SH2D3A: variants seen among roughly 807,000 people sequenced by gnomAD.
The protein encoded by SH2D3A is SH2 domain-containing protein 3A.
In SH2D3A, 46 loss-of-function variants were observed where a neutral mutation model predicts 50.6. The observed-to-expected ratio is 0.91, with a 90% confidence interval of 0.72 to 1.16. The LOEUF is 1.16. SH2D3A is among the 50% of genes most tolerant of loss of function. The pLI is 0.00. For synonymous variants in SH2D3A, 377 were observed against 348.4 expected (o/e 1.08, Z -0.91); for missense variants, 783 against 786.2 (o/e 1.00, Z 0.05).
In SH2D3A at chr19:6,760,757, G is replaced by A; in HGVS notation, c.300C>T (p.Arg100=). The change falls in exon 3 of 10, where the codon CGC becomes CGT. Residue 100 remains arginine (R), a synonymous_variant. Coordinates refer to ENST00000245908, the MANE Select transcript of SH2D3A (RefSeq NM_005490.3). ...CAGCCCCTGTGGCCTGGGACAGTGG[G>A]CGCCTGCCTGTCATATAACTGTGAA... The part of the protein sequence containing the change: ...ALVHSYMTGR[R]PLSQATGAVV... 6.2e-7 allele frequency: 1 copy of A among 1,614,226 alleles called. No homozygotes were observed. Among genetic ancestry groups the A allele is most frequent in the Middle Eastern group, 1.6e-4 (1 of 6,062 alleles).
Position 6,763,706 on chromosome 19 carries a change from A to G in SH2D3A, c.43T>C (p.Trp15Arg), listed in dbSNP as rs574092965. The G allele has an allele frequency of 2.5e-6, 4 of 1,612,638 alleles. No individual in the cohort carries two copies. The highest frequency in any genetic ancestry group is 2.7e-5 in the African/African-American group (2 of 74,956). Residue 15 changes from tryptophan to arginine, a missense_variant, in exon 2 of 10, where the codon TGG (tryptophan) becomes CGG (arginine). Trp to Arg is a moderately radical substitution (Grantham distance 101). Coordinates refer to ENST00000245908, the MANE Select transcript of SH2D3A (RefSeq NM_005490.3). Reference sequence around the variant, plus strand: ...TGGCGGGACAGGAGGCCGTGGTACCAAGGTTGGCCAGCAAGGTCTTCTCCA... The same window carrying G: ...TGGCGGGACAGGAGGCCGTGGTACCGAGGTTGGCCAGCAAGGTCTTCTCCA... ...QDGEDLAGQP[W>R]YHGLLSRQKA...
At position 6,754,133 on chromosome 19, in the gene SH2D3A, G is replaced by A. The variant is rs377387376; in HGVS notation, c.1303C>T (p.Leu435Phe). The change falls in exon 8 of 10, where the codon CTC becomes TTC. Residue 435 changes from leucine (L) to phenylalanine (F), a missense_variant. Coordinates refer to ENST00000245908, the MANE Select transcript of SH2D3A (RefSeq NM_005490.3). ...VSRLEHTWRQ[L>F]RRSHTEAALA... is the part of the protein sequence containing the mutation. ...GCAGCCTCCGTGTGGCTCCTTCGGA[G>A]CTGGCGCCACGTGTGCTCCAACCGG... 2 of 1,613,338 alleles carry A rather than the reference G, an allele frequency of 1.2e-6. No individual in the cohort carries two copies. The highest frequency in any genetic ancestry group is 2.7e-5 in the African/African-American group (2 of 74,924).
At chr19:6,763,607 G>T in intron 2 of SH2D3A, 73 bp downstream of exon 2, 1 of 1,437,506 alleles carries the variant, frequency 7.0e-7, no homozygotes, top group South Asian at 1.2e-5. Flanking sequence ...CTCATCCAGG[G>T]ACCCAGGAAT....
In SH2D3A at chr19:6,754,748, G is replaced by C. The variant is rs780430870; in HGVS notation, c.982-17C>G. Reference sequence around the variant, plus strand: ...GCCTGTGGCCTGCAGAAGGGAATGGGGAAGTCAGGTGAAGCGTGATTATGT... The same window carrying C: ...GCCTGTGGCCTGCAGAAGGGAATGGCGAAGTCAGGTGAAGCGTGATTATGT... On this transcript the variant is annotated splice_polypyrimidine_tract_variant and intron_variant, in intron 5 of 9. Coordinates refer to ENST00000245908, the MANE Select transcript of SH2D3A (RefSeq NM_005490.3). 1.9e-6 allele frequency: 3 copies of C among 1,613,762 alleles called. No individual in the cohort carries two copies. In the South Asian group the frequency reaches 3.3e-5, roughly 18 times the overall value.
intron 9 of SH2D3A, chr19:6,753,242 T>C: frequency 1.0e-6 from 1 of 985,032 alleles, no homozygotes; most frequent in Non-Finnish European, 1.2e-6. Context: ...GGACAGCCCG[T>C]TTTGAGGTGG....
At position 6,755,141 on chromosome 19, in the gene SH2D3A, G is replaced by T; in HGVS notation, c.671C>A (p.Ala224Asp). The change falls in exon 5 of 10, where the codon GCC (alanine) becomes GAC (aspartate). Residue 224 changes from alanine (A) to aspartate (D), a missense_variant. Coordinates refer to ENST00000245908, the MANE Select transcript of SH2D3A (RefSeq NM_005490.3). ...PRTPSFELPD[A>D]SERPPTYCEL... ...GCAGTACGTCGGGGGACGTTCAGAGGCATCAGGCAGTTCGAAGGAGGGTGT... is the reference window on the plus strand; with the variant it reads ...GCAGTACGTCGGGGGACGTTCAGAGTCATCAGGCAGTTCGAAGGAGGGTGT... 1.2e-6 allele frequency: 2 copies of T among 1,612,346 alleles called. No individual in the cohort carries two copies. The highest frequency in any genetic ancestry group is 1.7e-6 in the Non-Finnish European group (2 of 1,178,714).
At chr19:6,753,413 G>A (rs1969441484) in intron 9 of SH2D3A, 43 bp downstream of exon 9, 1 of 1,429,900 alleles carries the variant, frequency 7.0e-7, no homozygotes, top group Non-Finnish European at 9.2e-7. Flanking sequence ...AGAACCTGCA[G>A]GGTGCTCTGA....
At position 6,754,902 on chromosome 19, in the gene SH2D3A, T is replaced by C. The variant is rs1969563123; in HGVS notation, c.910A>G (p.Thr304Ala). ...TGCTCCAGGAACAGGCCACGGAGGGTATGCAGGACTTGGGGTTCCAGGGGC... is the reference window on the plus strand; with the variant it reads ...TGCTCCAGGAACAGGCCACGGAGGGCATGCAGGACTTGGGGTTCCAGGGGC... ...NRPLEPQVLH[T>A]LRGLFLEHHP... Residue 304 changes from threonine to alanine, a missense_variant, in exon 5 of 10, where the codon ACC becomes GCC. Coordinates refer to ENST00000245908, the MANE Select transcript of SH2D3A (RefSeq NM_005490.3). The C allele has an allele frequency of 2.5e-6, 4 of 1,607,298 alleles. No homozygotes were observed. Among genetic ancestry groups the C allele is most frequent in the Non-Finnish European group, 2.6e-6 (3 of 1,176,142 alleles).
rs750137504 is a variant in SH2D3A, at chr19:6,752,727, C to G, written c.1597G>C (p.Glu533Gln). 1.3e-6 allele frequency: 2 copies of G among 1,550,938 alleles called. No homozygotes were observed. Among genetic ancestry groups the G allele is most frequent in the African/African-American group, 1.4e-5 (1 of 73,240 alleles). ...CGCACGAAGCCGGTGGTCAGGGCCTCCCTCAGCTCCGGGTTAGGCCGGAAT... is the reference window on the plus strand; with the variant it reads ...CGCACGAAGCCGGTGGTCAGGGCCTGCCTCAGCTCCGGGTTAGGCCGGAAT... ...RGFRPNPELR[E>Q]ALTTGFVRRL... is the part of the protein sequence containing the mutation. The change falls in exon 10 of 10, where the codon GAG (glutamate) becomes CAG (glutamine). Residue 533 changes from glutamate to glutamine, a missense_variant. Transcript: ENST00000245908.
chr19:6,760,355 A>G (rs10419177), intron 3 of SH2D3A, among the ~76,000 whole-genome samples: 20,499 of 152,036 alleles, frequency 0.13, 1,738 homozygotes, highest in African/African-American at 0.25. Flanking sequence ...CAGCCTGGGC[A>G]ACAGAGTGAG....
At chr19:6,757,312 CT>C (rs796930753) in intron 4 of SH2D3A, 2,824 of 107,762 alleles carry the variant, frequency 0.026, 36 homozygotes, top group Middle Eastern at 0.062. Context: ...TTTTCTTCTT[CT>C]TTTTTTTTTT....
chr19:6,753,848 G>C (rs1426388083), intron 8 of SH2D3A, among the ~76,000 whole-genome samples: 2 of 152,136 alleles, frequency 1.3e-5, no homozygotes, highest in Non-Finnish European at 2.9e-5. Context: ...ACCAAGGCTG[G>C]TGGGGGCGTG....
Position 6,760,758 on chromosome 19 carries a change from C to T in SH2D3A, c.299G>A (p.Arg100His), listed in dbSNP as rs769078843. 2.2e-5 allele frequency: 36 copies of T among 1,614,030 alleles called. No individual in the cohort carries two copies. The highest frequency in any genetic ancestry group is 2.0e-4 in the Admixed American group (12 of 60,000). Residue 100 changes from arginine (R) to histidine (H), a missense_variant, in exon 3 of 10, where the codon CGC becomes CAC. Physicochemically the swap from Arg to His is conservative, Grantham distance 29. Transcript: ENST00000245908. ...ALVHSYMTGR[R>H]PLSQATGAVV... The stretch of plus-strand genomic sequence containing the variant: ...AGCCCCTGTGGCCTGGGACAGTGGG[C>T]GCCTGCCTGTCATATAACTGTGAAC...
chr19:6,759,248 G>A (rs1298888533), intron 4 of SH2D3A: 1 of 224,298 alleles, frequency 4.5e-6, no homozygotes, highest in Non-Finnish European at 9.0e-6. Context: ...AGAGTAGCTG[G>A]GATTACAGGT....
chr19:6,761,122 G>A (rs1969993276), intron 2 of SH2D3A, 135 bp from the exon 3 acceptor site: 1 of 691,888 alleles, frequency 1.4e-6, no homozygotes, highest in Non-Finnish European at 2.4e-6. Flanking sequence ...GCAAAGACGG[G>A]GAACTTTCAC....
At position 6,754,741 on chromosome 19, in the gene SH2D3A, G is replaced by A. The variant is rs1241431278; in HGVS notation, c.982-10C>T. ...CCAGGAGGCCTGTGGCCTGCAGAAG[G>A]GAATGGGGAAGTCAGGTGAAGCGTG... On this transcript the variant is annotated splice_polypyrimidine_tract_variant and intron_variant, in intron 5 of 9. Coordinates refer to ENST00000245908, the MANE Select transcript of SH2D3A (RefSeq NM_005490.3). 1.2e-6 allele frequency: 2 copies of A among 1,613,890 alleles called. No individual in the cohort carries two copies. Among genetic ancestry groups the A allele is most frequent in the Admixed American group, 1.7e-5 (1 of 60,018 alleles).
At chr19:6,753,385 G>A (rs1969438480) in intron 9 of SH2D3A, 71 bp downstream of exon 9, 1 of 1,415,938 alleles carries the variant, frequency 7.1e-7, no homozygotes, top group South Asian at 1.5e-5. Flanking sequence ...GGACAGGCTG[G>A]GTTTGGGGGA....
chr19:6,754,696 C>A lies in SH2D3A; in HGVS notation c.1017G>T (p.Arg339=). 2 of 1,614,132 alleles carry A rather than the reference C, an allele frequency of 1.2e-6. No homozygotes were observed. The highest frequency in any genetic ancestry group is 1.7e-6 in the Non-Finnish European group (2 of 1,180,006). Residue 339 remains arginine, a synonymous_variant, in exon 6 of 10, where the codon CGG becomes CGT. Transcript: ENST00000245908. The stretch of plus-strand genomic sequence containing the variant: ...GGCCAGATGAGACTCCCATGTTGCC[C>A]CGCTGATCTCTGGTCACTCCCAGGA... ...TGLLGVTRDQ[R]GNMGVSSGLE...
Position 6,755,175 on chromosome 19 carries a change from G to T in SH2D3A, c.637C>A (p.Pro213Thr). ...GQLQAKAPTK[P>T]PRTPSFELPD... ...AGTTCGAAGGAGGGTGTCCGGGGGG[G>T]CTTCGTTGGTGCCTTGGCTTGAAGC... Residue 213 changes from proline to threonine, a missense_variant, in exon 5 of 10, where the codon CCC becomes ACC. Pro to Thr is a conservative substitution (Grantham distance 38). Coordinates refer to ENST00000245908, the MANE Select transcript of SH2D3A (RefSeq NM_005490.3). 6.3e-7 allele frequency: 1 copy of T among 1,599,246 alleles called. No homozygotes were observed. The highest frequency in any genetic ancestry group is 8.5e-7 in the Non-Finnish European group (1 of 1,170,762).
Sources: gnomAD v4.1 joint callset for allele counts (sites outside exome capture counted in the v4.1 genomes callset) on GRCh38, gnomAD v4.1.1 for gene constraint, MANE v1.5 for transcripts, NCBI Gene and HGNC (gene_info 2026-07-23, HGNC 2026-07-21) for gene names.